ATP5F1C: variants seen among roughly 807,000 people sequenced by gnomAD.
ATP5F1C encodes ATP synthase F(1) complex subunit gamma, mitochondrial.
ATP5F1C carries 22 observed loss-of-function variants against 37.4 expected under a neutral mutation model. The observed-to-expected ratio is 0.59, with a 90% CI of 0.42 to 0.84. The LOEUF is 0.84. ATP5F1C is among the 40% of genes least tolerant of loss of function. The probability of loss-of-function intolerance (pLI) is 0.00; values close to 1 mark genes in which losing one functional copy is unlikely to be tolerated. For missense variants in ATP5F1C, 286 were observed against 362.4 expected (o/e 0.79, Z 1.71); for synonymous variants, 121 against 128.0 (o/e 0.95, Z 0.37).
At chr10:7,799,250 C>T (rs571406539) in intron 4 of ATP5F1C, 56 bp downstream of exon 4, 124 of 1,525,374 alleles carry the variant, frequency 8.1e-5, no homozygotes, top group Non-Finnish European at 1.0e-4. Flanking sequence ...AATAAATCTT[C>T]TCTCAAAAGT....
At chr10:7,799,470 G>C in intron 4 of ATP5F1C, 1 of 555,066 alleles carries the variant, frequency 1.8e-6, no homozygotes. Context: ...TCAGCATTAA[G>C]CCAAATGAGG....
intron 1 of ATP5F1C, among the ~76,000 whole-genome samples, chr10:7,793,513 T>G (rs914283843): frequency 1.3e-5 from 2 of 152,244 alleles, no homozygotes; most frequent in African/African-American, 4.8e-5. Context: ...GTTGTTTGTT[T>G]TGGATACAAG....
chr10:7,796,498 A>G (rs1836237741), intron 2 of ATP5F1C: 1 of 183,754 alleles, frequency 5.4e-6, no homozygotes, highest in African/African-American at 2.3e-5. Context: ...AATACCATTT[A>G]ATGTTTTAAA....
At chr10:7,804,027 T>C in intron 8 of ATP5F1C, 1 of 513,088 alleles carries the variant, frequency 1.9e-6, no homozygotes. Context: ...GTGGTAACAG[T>C]ATTTGCCTTC....
chr10:7,804,375 C>A (rs957603513), intron 8 of ATP5F1C, among the ~76,000 whole-genome samples: 1 of 152,230 alleles, frequency 6.6e-6, no homozygotes, highest in Non-Finnish European at 1.5e-5. Context: ...ATTACCATTT[C>A]TCACGTCCTT....
chr10:7,807,133 G>T, intron 9 of ATP5F1C, 123 bp downstream of exon 9: 1 of 881,976 alleles, frequency 1.1e-6, no homozygotes, highest in South Asian at 2.0e-5. Flanking sequence ...CCACTTCACA[G>T]TAGCAGCCAA....
chr10:7,793,268 C>A (rs746544566), intron 1 of ATP5F1C, among the ~76,000 whole-genome samples: 1 of 152,132 alleles, frequency 6.6e-6, no homozygotes, highest in Non-Finnish European at 1.5e-5. Context: ...CCCACCAGCA[C>A]GCCTGGCTAA....
intron 8 of ATP5F1C, among the ~76,000 whole-genome samples, chr10:7,805,483 G>A (rs879934228): frequency 4.6e-5 from 7 of 151,988 alleles, no homozygotes; most frequent in Non-Finnish European, 1.0e-4. Flanking sequence ...CGCAGGGGCT[G>A]ACGCCTGTAA....
intron 8 of ATP5F1C, 97 bp downstream of exon 8, chr10:7,802,951 A>G: frequency 1.0e-6 from 1 of 980,830 alleles, no homozygotes; most frequent in South Asian, 1.6e-5. Context: ...TTTTCTTTTG[A>G]AGTTGAAACT....
At chr10:7,806,656 A>G (rs1046208120) in intron 8 of ATP5F1C, among the ~76,000 whole-genome samples, 3 of 149,256 alleles carry the variant, frequency 2.0e-5, no homozygotes, top group Non-Finnish European at 4.5e-5. Context: ...TCCATCTCCA[A>G]AAAAAAAAAA....
chr10:7,799,589 A>T, intron 4 of ATP5F1C, 183 bp from the exon 5 acceptor site: 1 of 638,336 alleles, frequency 1.6e-6, no homozygotes, highest in Non-Finnish European at 2.6e-6. Context: ...TTTAGTTCTT[A>T]GTTCTTTGCA....
intron 3 of ATP5F1C, 116 bp downstream of exon 3, chr10:7,797,294 T>C (rs1836259296): frequency 1.5e-6 from 2 of 1,336,978 alleles, no homozygotes; most frequent in East Asian, 4.8e-5. Context: ...ACTTGCCATG[T>C]ACTTATTTTT....
intron 7 of ATP5F1C, 104 bp from the exon 8 acceptor site, chr10:7,802,653 GT>G (rs2131074459): frequency 7.9e-7 from 1 of 1,269,600 alleles, no homozygotes; most frequent in Non-Finnish European, 1.1e-6. Context: ...GCCAATTTTG[GT>G]ATCCAAAAAT....
chr10:7,790,252 A>G (rs1836142121), intron 1 of ATP5F1C, among the ~76,000 whole-genome samples: 2 of 152,232 alleles, frequency 1.3e-5, no homozygotes, highest in South Asian at 4.1e-4. Context: ...TTTTTAAAGT[A>G]CAATTTGTTA....
At chr10:7,790,871 G>A (rs1836151816) in intron 1 of ATP5F1C, among the ~76,000 whole-genome samples, 1 of 152,218 alleles carries the variant, frequency 6.6e-6, no homozygotes, top group Non-Finnish European at 1.5e-5. Flanking sequence ...TATTTGCAAA[G>A]CATGTAGGAC....
intron 1 of ATP5F1C, 127 bp downstream of exon 1, chr10:7,788,390 G>A: frequency 3.0e-6 from 4 of 1,330,506 alleles, no homozygotes; most frequent in Non-Finnish European, 4.2e-6. Context: ...CCCCTGGCCC[G>A]TCGGAGGCGC....
intron 5 of ATP5F1C, 25 bp downstream of exon 5, chr10:7,799,940 C>T: frequency 6.2e-7 from 1 of 1,605,906 alleles, no homozygotes; most frequent in Non-Finnish European, 8.5e-7. Flanking sequence ...GAAATCAAAG[C>T]TTTTTTATGT....
intron 8 of ATP5F1C, among the ~76,000 whole-genome samples, chr10:7,805,342 G>A (rs560337079): frequency 6.2e-4 from 95 of 152,304 alleles, no homozygotes; most frequent in African/African-American, 2.2e-3. Flanking sequence ...GGCTGTGTGA[G>A]ATCCAGAGAA....
rs1346352394 is a variant in ATP5F1C, at chr10:7,799,924, G to A, written c.572+9G>A. ...ATCTTTAATAAATTCAGGCAAGACA[G>A]ATTTAGAAATCAAAGCTTTTTTATG... On this transcript the variant is annotated intron_variant, in intron 5 of 9. Transcript: ENST00000356708. 2 of 1,608,204 alleles carry A rather than the reference G, an allele frequency of 1.2e-6. No individual in the cohort carries two copies. The highest frequency in any genetic ancestry group is 2.2e-5 in the East Asian group (1 of 44,844).
Sources: gnomAD v4.1 joint callset for allele counts (sites outside exome capture counted in the v4.1 genomes callset) on GRCh38, gnomAD v4.1.1 for gene constraint, MANE v1.5 for transcripts, NCBI Gene and HGNC (gene_info 2026-07-23, HGNC 2026-07-21) for gene names.